Variants in SLC12A8 observed in about 807,000 individuals in gnomAD.
SLC12A8 encodes the protein solute carrier family 12 member 8.
A neutral mutation model predicts 75.6 loss-of-function variants in SLC12A8; 69 were observed. The observed-to-expected ratio is 0.91, with a 90% CI of 0.75 to 1.11. The LOEUF (loss-of-function observed/expected upper bound fraction) is 1.11, where lower values mean the gene tolerates loss of function less well. Ranked by LOEUF, SLC12A8 falls within the 50% of genes most tolerant of loss-of-function variation. SLC12A8 has a pLI of 0.00. For missense variants in SLC12A8, 877 were observed against 896.7 expected, an observed-to-expected ratio of 0.98 and a Z score of 0.28; for synonymous variants, 365 against 372.8, an observed-to-expected ratio of 0.98 and a Z score of 0.24.
At chr3:125,143,540 C>T (rs1933699056) in intron 5 of SLC12A8, among the ~76,000 whole-genome samples, 2 of 152,216 alleles carry the variant, frequency 1.3e-5, no homozygotes, top group African/African-American at 4.8e-5. Context: ...CAGCCTAAGA[C>T]CCCACCCAGA....
intron 3 of SLC12A8, among the ~76,000 whole-genome samples, chr3:125,189,857 G>A (rs575605515): frequency 3.7e-4 from 57 of 152,070 alleles, no homozygotes; most frequent in Non-Finnish European, 6.0e-4. Flanking sequence ...CTTCTACAGG[G>A]GGAGATGAAC....
chr3:125,138,401 A>G lies in SLC12A8; in HGVS notation c.623-2619T>C, dbSNP rs185919698. ...GGGCAACAGAGCAAGACTCCATCTC[A>G]ATTTTTTAAAATTTAAAAATAAATA... On this transcript the variant is annotated intron_variant, in intron 5 of 13. Transcript: ENST00000469902. Among the ~76,000 whole-genome samples, 570 of 152,214 alleles carry G rather than the reference A, an allele frequency of 3.7e-3. 7 individuals are homozygous for G. Among genetic ancestry groups the G allele is most frequent in the African/African-American group, 0.013 (541 of 41,516 alleles).
chr3:125,086,828 G>C (rs534450711), intron 13 of SLC12A8, among the ~76,000 whole-genome samples: 1 of 152,238 alleles, frequency 6.6e-6, no homozygotes, highest in South Asian at 2.1e-4. Flanking sequence ...TCCATCCCTG[G>C]GCCCTGTCCC....
At chr3:125,118,129 T>A (rs1212858290) in intron 8 of SLC12A8, among the ~76,000 whole-genome samples, 1 of 152,258 alleles carries the variant, frequency 6.6e-6, no homozygotes, top group African/African-American at 2.4e-5. Flanking sequence ...GGCACTTGCT[T>A]AACTGGGAAT....
chr3:125,109,452 T>G (rs6779939), intron 9 of SLC12A8, among the ~76,000 whole-genome samples: 2,142 of 152,226 alleles, frequency 0.014, 57 homozygotes, highest in African/African-American at 0.047. Context: ...AAGGAAGAAA[T>G]CAAGGATAAG....
chr3:125,136,314 C>A (rs933306684), intron 5 of SLC12A8, among the ~76,000 whole-genome samples: 1 of 152,158 alleles, frequency 6.6e-6, no homozygotes, highest in Non-Finnish European at 1.5e-5. Flanking sequence ...ACACCCACCC[C>A]CCTGCCTTCG....
intron 2 of SLC12A8, among the ~76,000 whole-genome samples, chr3:125,208,791 C>CACACAGAGAG (rs1368605617): frequency 7.2e-4 from 61 of 84,172 alleles, no homozygotes; most frequent in Non-Finnish European, 1.2e-3. Context: ...CACACACACA[C>CACACAGAGAG]AGAGAGAGAG....
At chr3:125,165,692 T>A (rs1462199509) in intron 5 of SLC12A8, among the ~76,000 whole-genome samples, 5 of 152,100 alleles carry the variant, frequency 3.3e-5, no homozygotes, top group Admixed American at 2.0e-4. Context: ...GGCCACTGAG[T>A]CAGGCATCAC....
At chr3:125,208,747 TACACACAC>T (rs61130966) in intron 2 of SLC12A8, among the ~76,000 whole-genome samples, 1,795 of 87,304 alleles carry the variant, frequency 0.021, 60 homozygotes, top group African/African-American at 0.069. Flanking sequence ...CTGACCAATC[TACACACAC>T]ACACACACAC....
At chr3:125,084,900 T>C (rs1938421076) in intron 13 of SLC12A8, among the ~76,000 whole-genome samples, 1 of 152,236 alleles carries the variant, frequency 6.6e-6, no homozygotes, top group East Asian at 1.9e-4. Flanking sequence ...TTAAAATTTT[T>C]ACTCTAAAAG....
intron 5 of SLC12A8, among the ~76,000 whole-genome samples, chr3:125,140,395 G>A (rs906391698): frequency 6.6e-6 from 1 of 152,136 alleles, no homozygotes; most frequent in Non-Finnish European, 1.5e-5. Flanking sequence ...CAGAAGCCAG[G>A]CCTCTCTCCA....
At chr3:125,134,431 A>G (rs1456399379) in intron 6 of SLC12A8, among the ~76,000 whole-genome samples, 2 of 152,070 alleles carry the variant, frequency 1.3e-5, no homozygotes, top group Non-Finnish European at 2.9e-5. Flanking sequence ...TTTATTATTG[A>G]GTGGTTTTCT....
chr3:125,098,276 T>C (rs1938768166), intron 10 of SLC12A8, among the ~76,000 whole-genome samples: 1 of 152,202 alleles, frequency 6.6e-6, no homozygotes, highest in Non-Finnish European at 1.5e-5. Flanking sequence ...GTTGATGTTA[T>C]AATTTGCTTA....
chr3:125,175,756 G>A (rs1437587657), intron 5 of SLC12A8, among the ~76,000 whole-genome samples: 13 of 143,610 alleles, frequency 9.1e-5, no homozygotes, highest in Admixed American at 1.4e-4. Flanking sequence ...ACATGGCCAG[G>A]AAAAAAAAAA....
At chr3:125,125,291 C>T (rs983440704) in intron 6 of SLC12A8, among the ~76,000 whole-genome samples, 1 of 152,264 alleles carries the variant, frequency 6.6e-6, no homozygotes, top group East Asian at 1.9e-4. Flanking sequence ...GATGGAGTGG[C>T]TCATGCCTGT....
chr3:125,128,185 T>A (rs1172355315), intron 6 of SLC12A8, among the ~76,000 whole-genome samples: 2 of 115,150 alleles, frequency 1.7e-5, no homozygotes, highest in South Asian at 3.2e-4. Context: ...TTATTTTTAT[T>A]TTTTTTTTTT....
Position 125,088,354 on chromosome 3 carries a change from G to A in SLC12A8, c.1938C>T (p.Phe646=). 1 of 1,614,232 alleles carries A rather than the reference G, an allele frequency of 6.2e-7. No homozygotes were observed. The highest frequency in any genetic ancestry group is 8.5e-7 in the Non-Finnish European group (1 of 1,180,042). Residue 646 remains phenylalanine (F), a synonymous_variant, in exon 13 of 14, where the codon TTC becomes TTT. Transcript: ENST00000469902. ...GAGACCTCATCCACCGGAAAAAGCT[G>A]AAGTTGGAGGCTGATCCTGCAGGGA... ...PGLHLGSASN[F]SFFRWMRSLL...
intron 5 of SLC12A8, among the ~76,000 whole-genome samples, chr3:125,143,232 G>T (rs142564389): frequency 2.8e-3 from 419 of 152,306 alleles, no homozygotes; most frequent in African/African-American, 9.1e-3. Flanking sequence ...CATTGAACTG[G>T]GTCATAACAA....
intron 5 of SLC12A8, among the ~76,000 whole-genome samples, chr3:125,159,669 G>T (rs139322517): frequency 6.6e-6 from 1 of 152,194 alleles, no homozygotes; most frequent in East Asian, 1.9e-4. Context: ...GATTACAGGC[G>T]TGAGCCACCA....
Sources: gnomAD v4.1 joint callset for allele counts (sites outside exome capture counted in the v4.1 genomes callset) on GRCh38, gnomAD v4.1.1 for gene constraint, MANE v1.5 for transcripts, NCBI Gene and HGNC (gene_info 2026-07-23, HGNC 2026-07-21) for gene names.